Variants in SVOP observed in about 807,000 individuals in gnomAD.
SVOP encodes the protein SV2 related protein.
Under a neutral mutation model 69.1 loss-of-function variants are expected in SVOP, and 17 were observed. That is an observed-to-expected ratio of 0.25 (90% CI 0.17 to 0.37). The LOEUF is 0.37. Ranked by LOEUF, SVOP falls within the 10% of genes least tolerant of loss-of-function variation. SVOP has a pLI of 1.00. For missense variants in SVOP, 435 were observed against 597.5 expected, an observed-to-expected ratio of 0.73 and a Z score of 2.84; for synonymous variants, 238 against 238.6, an observed-to-expected ratio of 1.00 and a Z score of 0.02.
chr12:108,983,355 C>T (rs990734600), intron 2 of SVOP, among the ~76,000 whole-genome samples: 50,132 of 152,010 alleles, frequency 0.33, 8,773 homozygotes, highest in African/African-American at 0.44. Context: ...ATCTTTGTCA[C>T]CATTATCATC....
intron 1 of SVOP, among the ~76,000 whole-genome samples, chr12:108,984,149 G>T (rs1356819525): frequency 8.5e-5 from 13 of 152,266 alleles, no homozygotes; most frequent in African/African-American, 2.6e-4. Context: ...CCCACAAAAA[G>T]TTGCTCACAC....
intron 12 of SVOP, among the ~76,000 whole-genome samples, chr12:108,920,012 T>C (rs993744841): frequency 3.9e-5 from 6 of 152,196 alleles, no homozygotes; most frequent in African/African-American, 1.4e-4. Flanking sequence ...GCCCTTCTCA[T>C]ATATTTGCTT....
intron 1 of SVOP, among the ~76,000 whole-genome samples, chr12:109,016,371 A>G (rs1343013371): frequency 6.6e-6 from 1 of 152,186 alleles, no homozygotes; most frequent in African/African-American, 2.4e-5. Context: ...GGTGGACCCA[A>G]ACTCAATCTT....
chr12:108,928,363 C>G (rs540239933), intron 11 of SVOP, among the ~76,000 whole-genome samples: 2 of 152,188 alleles, frequency 1.3e-5, no homozygotes, highest in African/African-American at 4.8e-5. Context: ...TATTTTTGAT[C>G]CAATTCCTCA....
At chr12:109,014,466 A>T (rs866779887) in intron 1 of SVOP, among the ~76,000 whole-genome samples, 1 of 152,174 alleles carries the variant, frequency 6.6e-6, no homozygotes, top group African/African-American at 2.4e-5. Flanking sequence ...ATGGGTTTTC[A>T]TGTTTGGCTA....
At chr12:108,915,728 C>T (rs980480336) in intron 15 of SVOP, 55 bp downstream of exon 15, 2 of 1,529,242 alleles carry the variant, frequency 1.3e-6, no homozygotes, top group Non-Finnish European at 1.8e-6. Flanking sequence ...TAACTGCTTG[C>T]CATGCATGGG....
intron 1 of SVOP, among the ~76,000 whole-genome samples, chr12:109,006,450 A>T (rs931926717): frequency 2.0e-5 from 3 of 152,166 alleles, no homozygotes; most frequent in Non-Finnish European, 4.4e-5. Flanking sequence ...ACTCTGTCAT[A>T]CTTACAGATC....
intron 1 of SVOP, among the ~76,000 whole-genome samples, chr12:109,002,658 G>C (rs1312489839): frequency 6.6e-6 from 1 of 151,726 alleles, no homozygotes; most frequent in South Asian, 2.1e-4. Flanking sequence ...GTCCTTTGTA[G>C]GGACATGGAT....
chr12:108,934,995 G>C lies in SVOP; in HGVS notation c.972-724C>G, dbSNP rs117339857. ...ATAGACTGGTCTTGAATTATTTCTT[G>C]CATGAAATCCAAAAACCCTCTCTTG... On this transcript the variant is annotated intron_variant, in intron 10 of 15. Coordinates refer to ENST00000610966, the MANE Select transcript of SVOP (RefSeq NM_018711.5). Among the ~76,000 whole-genome samples, 893 of 152,242 alleles carry C rather than the reference G, an allele frequency of 5.9e-3. 5 individuals carry two copies. Among genetic ancestry groups the C allele is most frequent in the Middle Eastern group, 0.014 (4 of 294 alleles).
At chr12:108,995,554 A>G (rs2040226550) in intron 1 of SVOP, among the ~76,000 whole-genome samples, 1 of 152,144 alleles carries the variant, frequency 6.6e-6, no homozygotes, top group Non-Finnish European at 1.5e-5. Flanking sequence ...GGATGAAAAA[A>G]TTCTGGAGAT....
intron 12 of SVOP, among the ~76,000 whole-genome samples, chr12:108,921,094 C>A (rs1234671891): frequency 6.6e-6 from 1 of 152,068 alleles, no homozygotes; most frequent in Non-Finnish European, 1.5e-5. Flanking sequence ...AAAGAAGAAT[C>A]TGGGTTTCAG....
At chr12:108,953,881 G>A (rs932475586) in intron 6 of SVOP, among the ~76,000 whole-genome samples, 15 of 152,102 alleles carry the variant, frequency 9.9e-5, no homozygotes, top group Admixed American at 2.6e-4. Context: ...GGAGGCTGAG[G>A]CAGGCGAATC....
intron 1 of SVOP, among the ~76,000 whole-genome samples, chr12:109,005,932 A>T (rs2040304781): frequency 6.6e-6 from 1 of 152,210 alleles, no homozygotes; most frequent in African/African-American, 2.4e-5. Flanking sequence ...GTGGGACACC[A>T]TGGAAGGGTT....
intron 8 of SVOP, among the ~76,000 whole-genome samples, chr12:108,939,772 C>T (rs1354361396): frequency 2.0e-5 from 3 of 152,192 alleles, no homozygotes; most frequent in Admixed American, 6.5e-5. Flanking sequence ...CATTTCCCAG[C>T]TCCCTTTGCA....
At chr12:108,968,109 G>C (rs1205204379) in intron 5 of SVOP, among the ~76,000 whole-genome samples, 5 of 152,202 alleles carry the variant, frequency 3.3e-5, no homozygotes, top group Non-Finnish European at 5.9e-5. Context: ...CTGCTCTGGA[G>C]AGGATAAGGC....
At chr12:108,977,560 A>T (rs932760481) in intron 3 of SVOP, 64 bp from the exon 4 acceptor site, 4 of 1,104,206 alleles carry the variant, frequency 3.6e-6, no homozygotes, top group Non-Finnish European at 4.0e-6. Flanking sequence ...AGGCTGGCCA[A>T]GTCCATAACC....
At chr12:108,932,175 C>A (rs1566050350) in intron 11 of SVOP, among the ~76,000 whole-genome samples, 1 of 151,942 alleles carries the variant, frequency 6.6e-6, no homozygotes, top group Non-Finnish European at 1.5e-5. Context: ...ACCACCATGC[C>A]CAGCTAATTT....
At position 109,020,905 on chromosome 12, in the gene SVOP, C is replaced by T; in HGVS notation, c.-37G>A. ...GCCAGGATGAGCCCTTCTCATGGCC[C>T]TTACATGGTAGTGGTGGATGACGAG... On this transcript the variant is annotated 5_prime_UTR_variant, in exon 1 of 16. Transcript: ENST00000610966. The T allele has an allele frequency of 1.4e-6, 1 of 716,864 alleles. No individual in the cohort carries two copies. Among genetic ancestry groups the T allele is most frequent in the African/African-American group, 1.7e-5 (1 of 57,248 alleles). The allele number at this position is 716,864 out of a possible 1,614,324, so 44.4% of individuals were successfully genotyped here.
At chr12:108,931,644 C>T (rs1390050263) in intron 11 of SVOP, among the ~76,000 whole-genome samples, 1 of 151,964 alleles carries the variant, frequency 6.6e-6, no homozygotes, top group Non-Finnish European at 1.5e-5. Context: ...CCATCCTGGC[C>T]AACATGGTGA....
Sources: allele counts gnomAD v4.1 joint callset (sites outside exome capture counted in the v4.1 genomes callset), GRCh38; gene constraint gnomAD v4.1.1; transcripts MANE v1.5; gene names NCBI Gene and HGNC (gene_info 2026-07-23, HGNC 2026-07-21).